Variants in ALOX12B observed in about 807,000 individuals in gnomAD.
The protein encoded by ALOX12B is arachidonate 12-lipoxygenase, 12R-type.
A neutral mutation model predicts 78.9 loss-of-function variants in ALOX12B; 47 were observed. That is an observed-to-expected ratio of 0.60 (90% CI 0.47 to 0.76). The LOEUF (loss-of-function observed/expected upper bound fraction) is 0.76, where lower values mean the gene tolerates loss of function less well. Ranked by LOEUF, ALOX12B falls within the 30% of genes least tolerant of loss-of-function variation. The probability of loss-of-function intolerance (pLI) is 0.00; values close to 1 mark genes in which losing one functional copy is unlikely to be tolerated. For synonymous variants in ALOX12B, 370 were observed against 374.5 expected, an observed-to-expected ratio of 0.99 and a Z score of 0.14; for missense variants, 805 against 922.6, an observed-to-expected ratio of 0.87 and a Z score of 1.65.
chr17:8,080,541 T>C lies in ALOX12B; in HGVS notation c.650+117A>G, dbSNP rs761965035. The C allele has an allele frequency of 6.5e-7, 1 of 1,533,956 alleles. No individual in the cohort carries two copies. Among genetic ancestry groups the C allele is most frequent in the Non-Finnish European group, 8.9e-7 (1 of 1,117,812 alleles). The stretch of plus-strand genomic sequence containing the variant: ...AGGTTTTCTGGGTCTGCGTTTCAGC[T>C]CCCTCTGCCTTCCTGGCCATTCCAA... On this transcript the variant is annotated intron_variant, in intron 5 of 14. Coordinates refer to ENST00000647874, the MANE Select transcript of ALOX12B (RefSeq NM_001139.3). The surrounding 1 kb of genome is among the most constrained non-coding windows in gnomAD (Gnocchi z 4.8).
In ALOX12B at chr17:8,080,083, G is replaced by A. The variant is rs773821586; in HGVS notation, c.755-142C>T. 5 of 1,482,296 alleles carry A rather than the reference G, an allele frequency of 3.4e-6. No homozygotes were observed. In the East Asian group the frequency reaches 9.1e-5, roughly 27 times the overall value. 91.8% of individuals were successfully genotyped at this position (1,482,296 alleles called of 1,614,324 possible). A position where few individuals can be genotyped will look rare whatever the true frequency, so the allele number is the denominator to read the frequency against. ...CCAGCCTGGCGCTGAGCGGCCGGAGGAGCCCGGTGCGACATTTTCCAAGAA... is the reference window on the plus strand; with the variant it reads ...CCAGCCTGGCGCTGAGCGGCCGGAGAAGCCCGGTGCGACATTTTCCAAGAA... On this transcript the variant is annotated intron_variant, in intron 6 of 14. Transcript: ENST00000647874. The surrounding 1 kb of genome is among the most constrained non-coding windows in gnomAD (Gnocchi z 4.8).
rs200167862 is a variant in ALOX12B, at chr17:8,079,816, C to T, written c.880G>A (p.Val294Met). 3.1e-6 allele frequency: 5 copies of T among 1,613,508 alleles called. No homozygotes were observed. The highest frequency in any genetic ancestry group is 2.2e-5 in the East Asian group (1 of 44,866). The part of the protein sequence containing the change: ...PDKFPVTDDM[V>M]APFLGEGTCL... ...GTTCCCTCGCCCAGGAACGGAGCCA[C>T]CATGTCGTCTGTGACGGGGAACTTG... Residue 294 changes from valine (V) to methionine (M), a missense_variant, in exon 7 of 15, where the codon GTG (valine) becomes ATG (methionine). Physicochemically the swap from Val to Met is conservative, Grantham distance 21 (BLOSUM62 1). Coordinates refer to ENST00000647874, the MANE Select transcript of ALOX12B (RefSeq NM_001139.3). This position sits in a 1 kb window ranked among gnomAD's most constrained non-coding sequence, Gnocchi z 6.4.
At position 8,080,194 on chromosome 17, in the gene ALOX12B, C is replaced by T. The variant is rs749723286; in HGVS notation, c.754+41G>A. On this transcript the variant is annotated intron_variant, in intron 6 of 14. Transcript: ENST00000647874. The surrounding 1 kb of genome is among the most constrained non-coding windows in gnomAD (Gnocchi z 4.8). ...GGCCTGCCTAGCACGCCGGAGACCG[C>T]CTGGCTCCCCCTGCTCGATCCGGGA... 1 of 1,602,608 alleles carries T rather than the reference C, an allele frequency of 6.2e-7. No homozygotes were observed. Among genetic ancestry groups the T allele is most frequent in the African/African-American group, 1.3e-5 (1 of 74,814 alleles).
rs773168526 is a variant in ALOX12B at position 8,075,659 on chromosome 17, A to C, written c.1590T>G (p.Asp530Glu). Residue 530 changes from aspartate (D) to glutamate (E), a missense_variant, in exon 12 of 15, where the codon GAT becomes GAG. By Grantham distance (45) the Asp-to-Glu change is conservative (BLOSUM62 2). Coordinates refer to ENST00000647874, the MANE Select transcript of ALOX12B (RefSeq NM_001139.3). The stretch of plus-strand genomic sequence containing the variant: ...CCTGCACCCAAGACTGCAATTCCGG[A>C]TCACCCTCCACGGCTGCGTCACTCG... ...YYPSDAAVEG[D>E]PELQSWVQEI... 6.2e-7 allele frequency: 1 copy of C among 1,613,930 alleles called. No homozygotes were observed.
At chr17:8,073,520 G>T in intron 13 of ALOX12B, 137 bp downstream of exon 13, 1 of 1,061,868 alleles carries the variant, frequency 9.4e-7, no homozygotes, top group Non-Finnish European at 1.4e-6. Flanking sequence ...GGTTTCCGTT[G>T]GGACTGGAGT....
At chr17:8,078,912 T>G (rs78941468) in intron 8 of ALOX12B, among the ~76,000 whole-genome samples, 2 of 128,798 alleles carry the variant, frequency 1.6e-5, no homozygotes, top group Non-Finnish European at 3.3e-5. Flanking sequence ...TTTTTTTTTT[T>G]TTTGAGATGG....
In ALOX12B at chr17:8,076,949, G is replaced by A. The variant is rs372625982; in HGVS notation, c.1275+41C>T. On this transcript the variant is annotated intron_variant, in intron 9 of 14. Transcript: ENST00000647874. Reference sequence around the variant, plus strand: ...GGGGGTTTTCGGAGGCCAGGTGAGGGCCATGATGCCTGGGGGAGGCCCCTT... The same window carrying A: ...GGGGGTTTTCGGAGGCCAGGTGAGGACCATGATGCCTGGGGGAGGCCCCTT... The A allele has an allele frequency of 8.0e-5, 127 of 1,594,930 alleles. 1 individual carries two copies. In the African/African-American group the frequency reaches 1.5e-3, roughly 19 times the overall value.
rs1262561534 is a variant in ALOX12B at position 8,079,538 on chromosome 17, T to A, written c.929A>T (p.Lys310Met). 1 of 1,550,234 alleles carries A rather than the reference T, an allele frequency of 6.5e-7. No homozygotes were observed. The highest frequency in any genetic ancestry group is 2.0e-5 in the Admixed American group (1 of 51,002). ...GTAGTCGGCCAGGTAAATGTTCCCC[T>A]TCTGGAGGGGAGCCGCGATGGGTGG... ...EGTCLQAELE[K>M]GNIYLADYRI... The change falls in exon 8 of 15, where the codon AAG becomes ATG. Residue 310 changes from lysine to methionine, a missense_variant and splice_region_variant. Lys to Met is a moderately conservative substitution (Grantham distance 95). Coordinates refer to ENST00000647874, the MANE Select transcript of ALOX12B (RefSeq NM_001139.3). This position sits in a 1 kb window ranked among gnomAD's most constrained non-coding sequence, Gnocchi z 6.4.
chr17:8,075,725 G>C lies in ALOX12B; in HGVS notation c.1533-9C>G, dbSNP rs777904890. 4 of 1,614,118 alleles carry C rather than the reference G, an allele frequency of 2.5e-6. No homozygotes were observed. Among genetic ancestry groups the C allele is most frequent in the South Asian group, 2.2e-5 (2 of 91,068 alleles). On this transcript the variant is annotated splice_polypyrimidine_tract_variant and intron_variant, in intron 11 of 14. Transcript: ENST00000647874. ...TGATCTCCGTCACATACCTGACCAG[G>C]GGACAGGGCCTCAGTTTGGATCCTC...
rs1051195702 is a variant in ALOX12B, at chr17:8,080,864, G to A, written c.527+20C>T. On this transcript the variant is annotated intron_variant, in intron 4 of 14. Coordinates refer to ENST00000647874, the MANE Select transcript of ALOX12B (RefSeq NM_001139.3). This position sits in a 1 kb window ranked among gnomAD's most constrained non-coding sequence, Gnocchi z 4.8. ...AGGGGAAAACCATGGGCGGGGCCCA[G>A]CACAGCTTCGGGTCCTTACTCAGGC... The A allele has an allele frequency of 3.7e-6, 6 of 1,613,868 alleles. No individual in the cohort carries two copies. The highest frequency in any genetic ancestry group is 2.2e-5 in the East Asian group (1 of 44,884).
chr17:8,084,891 C>G (rs1328853195), intron 2 of ALOX12B, among the ~76,000 whole-genome samples: 1 of 152,166 alleles, frequency 6.6e-6, no homozygotes, highest in East Asian at 1.9e-4. Context: ...GAAGCTGACC[C>G]CAGCCCACCA....
intron 8 of ALOX12B, 66 bp from the exon 9 acceptor site, chr17:8,077,259 C>T (rs1977108306): frequency 6.7e-7 from 1 of 1,485,128 alleles, no homozygotes; most frequent in African/African-American, 1.4e-5. Context: ...GGCCCCACCG[C>T]AGGAAGGAGG....
Position 8,079,560 on chromosome 17 carries a change from G to A in ALOX12B, c.928-21C>T, listed in dbSNP as rs1204793151. The A allele has an allele frequency of 3.2e-6, 5 of 1,549,474 alleles. No individual in the cohort carries two copies. Among genetic ancestry groups the A allele is most frequent in the Non-Finnish European group, 4.4e-6 (5 of 1,146,502 alleles). ...CCCTTCTGGAGGGGAGCCGCGATGG[G>A]TGGCAAGTAGGCACCCACACGGGAA... On this transcript the variant is annotated intron_variant, in intron 7 of 14. Transcript: ENST00000647874. The surrounding 1 kb of genome is among the most constrained non-coding windows in gnomAD (Gnocchi z 6.4).
rs1430904030 is a variant in ALOX12B, at chr17:8,079,544, A to T, written c.928-5T>A. The T allele has an allele frequency of 6.5e-7, 1 of 1,549,836 alleles. No homozygotes were observed. The highest frequency in any genetic ancestry group is 1.2e-5 in the South Asian group (1 of 84,028). ...GGCCAGGTAAATGTTCCCCTTCTGG[A>T]GGGGAGCCGCGATGGGTGGCAAGTA... On this transcript the variant is annotated splice_region_variant and splice_polypyrimidine_tract_variant and intron_variant, in intron 7 of 14. Transcript: ENST00000647874. The surrounding 1 kb of genome is among the most constrained non-coding windows in gnomAD (Gnocchi z 6.4).
At chr17:8,082,350 T>A (rs554719025) in intron 2 of ALOX12B, among the ~76,000 whole-genome samples, 2 of 152,302 alleles carry the variant, frequency 1.3e-5, no homozygotes, top group African/African-American at 4.8e-5. Context: ...TATGTGACAG[T>A]AAGCTGTGGA....
chr17:8,076,189 CCA>C lies in ALOX12B; in HGVS notation c.1516_1517del (p.Trp506GlufsTer18). ...CCTGAGCTCACTTCTCCAGTGCATT[CCA>C]CACCGCCAAGCTGTCATCGCGGTAG... is the stretch of plus-strand genomic sequence containing the variant. Reference protein sequence around the residue: ...YYYRDDSLAVWNALEKYVTEI... With the variant: ...YYYRDDSLAVXNALEKYVTEI... On this transcript the variant is annotated frameshift_variant, in exon 11 of 15. Coordinates refer to ENST00000647874, the MANE Select transcript of ALOX12B (RefSeq NM_001139.3). LOFTEE classifies it high-confidence loss of function. 6.2e-7 allele frequency: 1 copy of C among 1,614,110 alleles called. No homozygotes were observed. The highest frequency in any genetic ancestry group is 8.5e-7 in the Non-Finnish European group (1 of 1,180,016).
At position 8,080,352 on chromosome 17, in the gene ALOX12B, T is replaced by C. The variant is rs1455688689; in HGVS notation, c.651-14A>G. The C allele has an allele frequency of 6.2e-7, 1 of 1,614,008 alleles. No individual in the cohort carries two copies. Among genetic ancestry groups the C allele is most frequent in the Non-Finnish European group, 8.5e-7 (1 of 1,179,872 alleles). On this transcript the variant is annotated splice_polypyrimidine_tract_variant and intron_variant, in intron 5 of 14. Coordinates refer to ENST00000647874, the MANE Select transcript of ALOX12B (RefSeq NM_001139.3). This position sits in a 1 kb window ranked among gnomAD's most constrained non-coding sequence, Gnocchi z 4.8. ...AAAGCCAGTGCCCTAGGAGATGGGATTCCAGGAAGAGGCCTTCAGAGGGGC... is the reference window on the plus strand; with the variant it reads ...AAAGCCAGTGCCCTAGGAGATGGGACTCCAGGAAGAGGCCTTCAGAGGGGC...
intron 13 of ALOX12B, 119 bp from the exon 14 acceptor site, chr17:8,073,437 G>T: frequency 7.0e-7 from 1 of 1,432,798 alleles, no homozygotes; most frequent in Non-Finnish European, 9.7e-7. Flanking sequence ...TTGGCGCTGA[G>T]GCTGGGCTGG....
In ALOX12B at chr17:8,079,327, GCGCGCACACTCGGAGGAGCATT is replaced by G. The variant is rs1042173322; in HGVS notation, c.1071+47_1071+68del. 32 of 1,540,142 alleles carry G rather than the reference GCGCGCACACTCGGAGGAGCATT, an allele frequency of 2.1e-5. No individual in the cohort carries two copies. The African/African-American group carries it at 3.8e-4, about 19-fold the overall frequency. Reference sequence around the variant, plus strand: ...TGCAGGTCCACACGCTCACATAAGCGCGCGCACACTCGGAGGAGCATTCGCGCACACAGAGGCTCAGCGGCAG... The same window carrying G: ...TGCAGGTCCACACGCTCACATAAGCGCGCGCACACAGAGGCTCAGCGGCAG... On this transcript the variant is annotated intron_variant, in intron 8 of 14. Transcript: ENST00000647874. The surrounding 1 kb of genome is among the most constrained non-coding windows in gnomAD (Gnocchi z 6.4).
Sources: allele counts gnomAD v4.1 joint callset (sites outside exome capture counted in the v4.1 genomes callset), GRCh38; gene constraint gnomAD v4.1.1; non-coding constraint Gnocchi (gnomAD v3.1); transcripts MANE v1.5; gene names NCBI Gene and HGNC (gene_info 2026-07-23, HGNC 2026-07-21).